The following NKAIN3 variants were observed in gnomAD, a reference collection of about 807,000 sequenced individuals.
NKAIN3 encodes sodium/potassium-transporting ATPase subunit beta-1-interacting protein 3.
A neutral mutation model predicts 30.2 loss-of-function variants in NKAIN3; 25 were observed. That is an observed-to-expected ratio of 0.83 (90% CI 0.60 to 1.16). The LOEUF (loss-of-function observed/expected upper bound fraction) is 1.16, where lower values mean the gene tolerates loss of function less well. Among genes scored for constraint, NKAIN3 ranks in the 50% most tolerant of loss-of-function variants. The pLI, the probability that NKAIN3 is intolerant of heterozygous loss-of-function variation, is 0.00. For synonymous variants in NKAIN3, 91 were observed against 89.6 expected (o/e 1.02, Z -0.09); for missense variants, 225 against 254.1 (o/e 0.89, Z 0.78).
At chr8:62,486,269 G>T (rs1806898762) in intron 1 of NKAIN3, among the ~76,000 whole-genome samples, 2 of 152,244 alleles carry the variant, frequency 1.3e-5, no homozygotes, top group Middle Eastern at 3.4e-3. Flanking sequence ...GTTCAATAAG[G>T]CAGGCCGGTA....
At chr8:62,932,297 G>T (rs550497741) in intron 5 of NKAIN3, among the ~76,000 whole-genome samples, 2 of 152,174 alleles carry the variant, frequency 1.3e-5, no homozygotes, top group South Asian at 4.1e-4. Flanking sequence ...AATAAAACTC[G>T]ATCTGCCAGA....
intron 1 of NKAIN3, among the ~76,000 whole-genome samples, chr8:62,572,110 G>A (rs934881251): frequency 1.3e-5 from 2 of 152,108 alleles, no homozygotes; most frequent in African/African-American, 4.8e-5. Context: ...AAACTTCTAT[G>A]CTCTGTTTCC....
intron 3 of NKAIN3, among the ~76,000 whole-genome samples, chr8:62,639,279 T>C (rs1384132675): frequency 1.3e-5 from 2 of 152,078 alleles, no homozygotes; most frequent in Non-Finnish European, 2.9e-5. Context: ...GAGAAGAAAG[T>C]AATTCCAGAA....
chr8:62,958,065 A>G (rs932501204), intron 6 of NKAIN3, among the ~76,000 whole-genome samples: 11 of 152,194 alleles, frequency 7.2e-5, no homozygotes, highest in African/African-American at 2.4e-4. Flanking sequence ...AAAGCAGCAC[A>G]AGAAAACGGG....
chr8:62,712,509 G>A (rs1313151072), intron 3 of NKAIN3, among the ~76,000 whole-genome samples: 1 of 152,006 alleles, frequency 6.6e-6, no homozygotes, highest in Admixed American at 6.6e-5. Flanking sequence ...AGGTTATCAG[G>A]GAAGTGGGGG....
intron 1 of NKAIN3, among the ~76,000 whole-genome samples, chr8:62,345,477 A>AC (rs1161243221): frequency 1.5e-5 from 1 of 67,840 alleles, no homozygotes; most frequent in East Asian, 4.3e-4. Context: ...ATATATACAC[A>AC]TATATGTATA....
intron 3 of NKAIN3, among the ~76,000 whole-genome samples, chr8:62,671,429 C>T (rs1183851222): frequency 6.6e-6 from 1 of 152,082 alleles, no homozygotes; most frequent in African/African-American, 2.4e-5. Context: ...TTCTTCATGA[C>T]ATCAGAAAGT....
At chr8:62,618,737 C>G (rs1314995490) in intron 3 of NKAIN3, among the ~76,000 whole-genome samples, 1 of 152,054 alleles carries the variant, frequency 6.6e-6, no homozygotes, top group South Asian at 2.1e-4. Context: ...GAAAACCTGT[C>G]TCTCCTAAAA....
intron 1 of NKAIN3, among the ~76,000 whole-genome samples, chr8:62,535,181 C>G (rs529908228): frequency 6.6e-6 from 1 of 152,266 alleles, no homozygotes; most frequent in South Asian, 2.1e-4. Context: ...CATTGAAGTA[C>G]TGACAGCACA....
At chr8:62,250,655 A>G (rs543153119) in intron 1 of NKAIN3, among the ~76,000 whole-genome samples, 4 of 152,220 alleles carry the variant, frequency 2.6e-5, no homozygotes, top group Admixed American at 2.6e-4. Flanking sequence ...GGAAATAACA[A>G]GTAAGGTTTT....
chr8:62,744,474 G>A (rs1246459966), intron 3 of NKAIN3, among the ~76,000 whole-genome samples: 2 of 152,114 alleles, frequency 1.3e-5, no homozygotes, highest in African/African-American at 4.8e-5. Flanking sequence ...AAGTCATACT[G>A]AAGTGAACTC....
chr8:62,678,830 G>T (rs1430767380), intron 3 of NKAIN3, among the ~76,000 whole-genome samples: 1 of 151,560 alleles, frequency 6.6e-6, no homozygotes, highest in Non-Finnish European at 1.5e-5. Flanking sequence ...ACATTATTTT[G>T]AGTTAGTGTT....
At chr8:62,609,665 A>G (rs1191576252) in intron 3 of NKAIN3, among the ~76,000 whole-genome samples, 1 of 152,176 alleles carries the variant, frequency 6.6e-6, no homozygotes, top group African/African-American at 2.4e-5. Flanking sequence ...GAAAAAAACA[A>G]CAAAATAAAA....
At chr8:62,361,657 T>C (rs1417513405) in intron 1 of NKAIN3, among the ~76,000 whole-genome samples, 3 of 152,242 alleles carry the variant, frequency 2.0e-5, no homozygotes, top group African/African-American at 7.2e-5. Flanking sequence ...CGAAATGTAC[T>C]TAATGACTCA....
intron 4 of NKAIN3, chr8:62,856,887 A>G (rs1820076021): frequency 3.4e-6 from 2 of 588,032 alleles, no homozygotes; most frequent in Admixed American, 2.3e-5. Flanking sequence ...CACTTTGGAT[A>G]CACTGGATGC....
At chr8:62,785,514 G>C (rs2130660767) in intron 4 of NKAIN3, among the ~76,000 whole-genome samples, 1 of 152,250 alleles carries the variant, frequency 6.6e-6, no homozygotes. Flanking sequence ...AGATTGTGGT[G>C]ATAGTTGCAC....
At chr8:62,906,219 C>T (rs1821771954) in intron 4 of NKAIN3, among the ~76,000 whole-genome samples, 1 of 152,174 alleles carries the variant, frequency 6.6e-6, no homozygotes, top group African/African-American at 2.4e-5. Flanking sequence ...CAGTAATAGA[C>T]TAATTTGTTA....
At chr8:62,643,912 T>A (rs1201035799) in intron 3 of NKAIN3, among the ~76,000 whole-genome samples, 1 of 152,106 alleles carries the variant, frequency 6.6e-6, no homozygotes, top group Non-Finnish European at 1.5e-5. Flanking sequence ...CCAGATATCT[T>A]CCACTTGATT....
chr8:62,804,085 G>C (rs912420461), intron 4 of NKAIN3, among the ~76,000 whole-genome samples: 1 of 152,128 alleles, frequency 6.6e-6, no homozygotes, highest in Non-Finnish European at 1.5e-5. Context: ...TCTCTGAATA[G>C]ACCAATAACA....
Sources: gnomAD v4.1 joint callset for allele counts (sites outside exome capture counted in the v4.1 genomes callset) on GRCh38, gnomAD v4.1.1 for gene constraint, MANE v1.5 for transcripts, NCBI Gene and HGNC (gene_info 2026-07-23, HGNC 2026-07-21) for gene names.